The following ATP10B variants were observed in gnomAD, a reference collection of about 807,000 sequenced individuals.
ATP10B encodes the protein phospholipid-transporting ATPase VB.
ATP10B carries 122 observed loss-of-function variants against 141.2 expected under a neutral mutation model. That is an observed-to-expected ratio of 0.86 (90% CI 0.75 to 1.00). The LOEUF (loss-of-function observed/expected upper bound fraction) is 1.00, where lower values mean the gene tolerates loss of function less well. Among genes scored for constraint, ATP10B ranks in the 50% least tolerant of loss-of-function variants. ATP10B has a pLI of 0.00. For missense variants in ATP10B, 1,876 were observed against 1,825.3 expected, an observed-to-expected ratio of 1.03 and a Z score of -0.51; for synonymous variants, 685 against 692.0, an observed-to-expected ratio of 0.99 and a Z score of 0.16.
chr5:160,800,423 CAA>C (rs1462803847), intron 1 of ATP10B, among the ~76,000 whole-genome samples: 1 of 152,106 alleles, frequency 6.6e-6, no homozygotes, highest in Non-Finnish European at 1.5e-5. Flanking sequence ...TTACTAAGTG[CAA>C]AGAGTTTACA....
chr5:160,890,951 G>C, the ATP10B span, among the ~76,000 whole-genome samples: 7 of 152,158 alleles, frequency 4.6e-5, no homozygotes, highest in South Asian at 4.2e-4. Context: ...TTTACTTTTT[G>C]ATGACTATGA....
chr5:160,743,045 A>G (rs1343404401), intron 2 of ATP10B, among the ~76,000 whole-genome samples: 1 of 152,212 alleles, frequency 6.6e-6, no homozygotes, highest in African/African-American at 2.4e-5. Flanking sequence ...AATGCTTACT[A>G]TATGCATAGT....
rs558013459 is a variant in ATP10B, at chr5:160,808,348, T to C, written c.-575-22545A>G. Among the ~76,000 whole-genome samples the C allele has an allele frequency of 1.2e-4, 19 of 152,312 alleles. No homozygotes were observed. The South Asian group carries it at 2.7e-3, about 22-fold the overall frequency. On this transcript the variant is annotated intron_variant, in intron 1 of 25. Coordinates refer to ENST00000327245, the MANE Select transcript of ATP10B (RefSeq NM_025153.3). ...AATGGTGATTGTAGCATATTCCCTATGAGGACAATACTTTGAGCATGGCAA... is the reference window on the plus strand; with the variant it reads ...AATGGTGATTGTAGCATATTCCCTACGAGGACAATACTTTGAGCATGGCAA...
At chr5:160,568,849 C>T (rs1343998819) in intron 25 of ATP10B, among the ~76,000 whole-genome samples, 1 of 152,202 alleles carries the variant, frequency 6.6e-6, no homozygotes, top group Non-Finnish European at 1.5e-5. Flanking sequence ...GGAAAAGGCA[C>T]ATTTACTGCA....
At chr5:160,695,234 G>T (rs952611544) in intron 3 of ATP10B, among the ~76,000 whole-genome samples, 1 of 152,182 alleles carries the variant, frequency 6.6e-6, no homozygotes, top group East Asian at 1.9e-4. Context: ...TTCTCTGAAG[G>T]TTGATAACAA....
upstream of ATP10B, among the ~76,000 whole-genome samples, chr5:160,854,623 T>TA (rs1465708661): frequency 6.6e-6 from 1 of 152,130 alleles, no homozygotes; most frequent in Non-Finnish European, 1.5e-5. Context: ...AACAGTGCTG[T>TA]AATAAACATA....
chr5:160,670,624 C>T lies in ATP10B; in HGVS notation c.514G>A (p.Val172Met). The stretch of plus-strand genomic sequence containing the variant: ...CATTTCATTTGGATGAAGTCTCCCA[C>T]GCGCACATCCTTCCAGCACTTCTGC... ...YVQKCWKDVR[V>M]GDFIQMKCNE... is the part of the protein sequence containing the mutation. Residue 172 changes from valine to methionine, a missense_variant, in exon 7 of 26, where the codon GTG (valine) becomes ATG (methionine). Physicochemically the swap from Val to Met is conservative, Grantham distance 21. Transcript: ENST00000327245. 1 of 1,613,848 alleles carries T rather than the reference C, an allele frequency of 6.2e-7. No homozygotes were observed. Among genetic ancestry groups the T allele is most frequent in the East Asian group, 2.2e-5 (1 of 44,870 alleles).
At chr5:160,755,797 A>C (rs1768492918) in intron 2 of ATP10B, among the ~76,000 whole-genome samples, 1 of 133,940 alleles carries the variant, frequency 7.5e-6, no homozygotes, top group African/African-American at 2.7e-5. Flanking sequence ...CCTGGGCGAC[A>C]GAGCGAGACT....
At position 160,583,618 on chromosome 5, in the gene ATP10B, C is replaced by T. The variant is rs116558173; in HGVS notation, c.3750+5974G>A. Among the ~76,000 whole-genome samples, 1,251 of 152,332 alleles carry T rather than the reference C, an allele frequency of 8.2e-3. 7 individuals are homozygous for T. The highest frequency in any genetic ancestry group is 0.014 in the Non-Finnish European group (927 of 68,024). On this transcript the variant is annotated intron_variant, in intron 24 of 25. Coordinates refer to ENST00000327245, the MANE Select transcript of ATP10B (RefSeq NM_025153.3). ...TCAGGAACGTTTAAGTCTGCTGAAGCTGTGCCTACAGCCACCCCTACCCCG... is the reference window on the plus strand; with the variant it reads ...TCAGGAACGTTTAAGTCTGCTGAAGTTGTGCCTACAGCCACCCCTACCCCG...
intron 1 of ATP10B, among the ~76,000 whole-genome samples, chr5:160,845,247 C>T (rs895521134): frequency 1.3e-5 from 2 of 152,088 alleles, no homozygotes; most frequent in Non-Finnish European, 2.9e-5. Flanking sequence ...CATTGTGGTA[C>T]CCTGGGATGC....
intron 2 of ATP10B, among the ~76,000 whole-genome samples, chr5:160,755,192 G>A (rs752297734): frequency 3.3e-5 from 5 of 152,118 alleles, no homozygotes; most frequent in Non-Finnish European, 7.3e-5. Context: ...TCTTCACATG[G>A]TGGCAGAAGA....
At chr5:160,820,813 C>T (rs1774044586) in intron 1 of ATP10B, among the ~76,000 whole-genome samples, 1 of 152,044 alleles carries the variant, frequency 6.6e-6, no homozygotes, top group African/African-American at 2.4e-5. Flanking sequence ...TCTATTGATG[C>T]TGAAAAAGCA....
At chr5:160,572,219 G>C (rs143952264) in intron 24 of ATP10B, among the ~76,000 whole-genome samples, 1 of 151,284 alleles carries the variant, frequency 6.6e-6, no homozygotes, top group Non-Finnish European at 1.5e-5. Context: ...AAGTTATCCA[G>C]TATTTTTTGT....
Position 160,785,792 on chromosome 5 carries a change from G to C in ATP10B, c.-564C>G, listed in dbSNP as rs1043729683. 6 of 685,674 alleles carry C rather than the reference G, an allele frequency of 8.8e-6. No individual in the cohort carries two copies. In the Admixed American group the frequency reaches 1.8e-4, roughly 21 times the overall value. The allele number at this position is 685,674 out of a possible 1,614,324, so 42.5% of individuals were successfully genotyped here. ...GTCACCAGTCGGTTCTGATTCTCTTGTCAAAGGAAGCCTGCACGACACAGG... is the reference window on the plus strand; with the variant it reads ...GTCACCAGTCGGTTCTGATTCTCTTCTCAAAGGAAGCCTGCACGACACAGG... On this transcript the variant is annotated 5_prime_UTR_variant, in exon 2 of 26. Coordinates refer to ENST00000327245, the MANE Select transcript of ATP10B (RefSeq NM_025153.3).
chr5:160,630,646 TAAG>T (rs1411068439), intron 13 of ATP10B, among the ~76,000 whole-genome samples: 2 of 152,172 alleles, frequency 1.3e-5, no homozygotes, highest in Non-Finnish European at 2.9e-5. Context: ...GGGGCAAAAT[TAAG>T]AAGGATGTAG....
At chr5:160,700,623 G>C (rs9313853) in intron 3 of ATP10B, among the ~76,000 whole-genome samples, 132,086 of 152,282 alleles carry the variant, frequency 0.87, 57,472 homozygotes, top group African/African-American at 0.91. Flanking sequence ...CTTTTTCATA[G>C]GTGCTTTGGG....
chr5:160,812,008 CAGAGACAGAGACAGAGAGAGAGAG>C (rs1323308039), intron 1 of ATP10B, among the ~76,000 whole-genome samples: 1 of 67,380 alleles, frequency 1.5e-5, no homozygotes, highest in Non-Finnish European at 3.4e-5. Flanking sequence ...GAGACAGAGA[CAGAGACAGAGACAGAGAGAGAGAG>C]AGAGAGAGAG....
At chr5:160,569,972 A>G (rs1161131193) in intron 24 of ATP10B, among the ~76,000 whole-genome samples, 1 of 152,122 alleles carries the variant, frequency 6.6e-6, no homozygotes, top group African/African-American at 2.4e-5. Context: ...TTTCCAACAT[A>G]GCCTGTTTTT....
chr5:160,917,261 G>GGGT, the ATP10B span, among the ~76,000 whole-genome samples: 1 of 141,494 alleles, frequency 7.1e-6, no homozygotes, highest in African/African-American at 2.8e-5. Flanking sequence ...CCTGATTCTA[G>GGGT]GGTACTTCTT....
Sources: gnomAD v4.1 joint callset for allele counts (sites outside exome capture counted in the v4.1 genomes callset) on GRCh38, gnomAD v4.1.1 for gene constraint, MANE v1.5 for transcripts, NCBI Gene and HGNC (gene_info 2026-07-23, HGNC 2026-07-21) for gene names.